The following MECOM variants were observed in gnomAD, a reference collection of about 807,000 sequenced individuals.
MECOM encodes the protein MDS1 and EVI1 complex locus.
A neutral mutation model predicts 116.3 loss-of-function variants in MECOM; 13 were observed. That is an observed-to-expected ratio of 0.11 (90% confidence interval 0.07 to 0.18). MECOM has a LOEUF of 0.18. MECOM is among the 10% of genes least tolerant of loss of function. MECOM has a pLI of 1.00. For missense variants in MECOM, 1,299 were observed against 1,509.0 expected (o/e 0.86, Z 2.31); for synonymous variants, 528 against 535.2 (o/e 0.99, Z 0.19).
chr3:169,092,753 C>T (rs1365564596), intron 14 of MECOM, among the ~76,000 whole-genome samples: 3 of 152,028 alleles, frequency 2.0e-5, no homozygotes, highest in East Asian at 3.9e-4. Context: ...TAGTGGCTAT[C>T]TCATAGGGTT....
At chr3:169,303,703 C>T (rs1037988554) in intron 2 of MECOM, among the ~76,000 whole-genome samples, 1 of 152,178 alleles carries the variant, frequency 6.6e-6, no homozygotes, top group Non-Finnish European at 1.5e-5. Flanking sequence ...ACTCAAAAAG[C>T]CAAATCCTGT....
intron 1 of MECOM, among the ~76,000 whole-genome samples, chr3:169,432,076 G>A (rs780059302): frequency 2.0e-5 from 3 of 151,740 alleles, no homozygotes; most frequent in Non-Finnish European, 2.9e-5. Flanking sequence ...ACAACAGTTC[G>A]AGACCTAGTA....
intron 2 of MECOM, among the ~76,000 whole-genome samples, chr3:169,311,834 A>G (rs914259118): frequency 1.3e-5 from 2 of 152,200 alleles, no homozygotes; most frequent in African/African-American, 4.8e-5. Flanking sequence ...AGGTGGCCAG[A>G]AATGAGGAGG....
chr3:169,137,298 A>G (rs1165604165), intron 3 of MECOM, among the ~76,000 whole-genome samples: 1 of 152,116 alleles, frequency 6.6e-6, no homozygotes, highest in Non-Finnish European at 1.5e-5. Context: ...GTCTACAGAT[A>G]CAATATATGC....
chr3:169,102,969 C>T (rs1050148353), intron 10 of MECOM, among the ~76,000 whole-genome samples: 3 of 151,514 alleles, frequency 2.0e-5, no homozygotes, highest in African/African-American at 7.3e-5. Flanking sequence ...CCACACTTTT[C>T]GAGAAACATT....
chr3:169,320,243 G>C (rs552438336), intron 2 of MECOM, among the ~76,000 whole-genome samples: 43 of 152,272 alleles, frequency 2.8e-4, no homozygotes, highest in African/African-American at 9.9e-4. Context: ...ATATAATTAG[G>C]AGAAACATAT....
chr3:169,277,361 A>G (rs1220326072), intron 2 of MECOM, among the ~76,000 whole-genome samples: 2 of 152,234 alleles, frequency 1.3e-5, no homozygotes, highest in Non-Finnish European at 2.9e-5. Context: ...CTTAAGAGAG[A>G]AAAAACAAAG....
intron 14 of MECOM, among the ~76,000 whole-genome samples, chr3:169,092,329 T>C (rs1288134814): frequency 2.6e-5 from 4 of 152,098 alleles, no homozygotes; most frequent in Non-Finnish European, 4.4e-5. Flanking sequence ...TTAAGAAGAC[T>C]ATAAAAGCTT....
intron 1 of MECOM, among the ~76,000 whole-genome samples, chr3:169,653,092 T>G (rs771272973): frequency 7.9e-5 from 12 of 152,184 alleles, no homozygotes; most frequent in Non-Finnish European, 1.6e-4. Context: ...GGAATAATAC[T>G]CCACTTTCCA....
intron 1 of MECOM, among the ~76,000 whole-genome samples, chr3:169,568,962 T>C (rs1187093133): frequency 6.6e-6 from 1 of 152,126 alleles, no homozygotes. Context: ...GCTAGCATCA[T>C]AATGACAGGA....
intron 2 of MECOM, among the ~76,000 whole-genome samples, chr3:169,364,625 G>C (rs1728851113): frequency 6.6e-6 from 1 of 151,976 alleles, no homozygotes; most frequent in South Asian, 2.1e-4. Flanking sequence ...GCATTGAAAA[G>C]TTATTAAGTA....
At chr3:169,516,935 G>A (rs750913727) in intron 1 of MECOM, among the ~76,000 whole-genome samples, 44 of 152,126 alleles carry the variant, frequency 2.9e-4, no homozygotes, top group African/African-American at 9.9e-4. Flanking sequence ...GCAGGCAAAC[G>A]AAAAAGGTCC....
chr3:169,202,871 A>G (rs1049326750), intron 2 of MECOM, among the ~76,000 whole-genome samples: 1 of 151,698 alleles, frequency 6.6e-6, no homozygotes, highest in African/African-American at 2.4e-5. Flanking sequence ...ACTTTCTGGG[A>G]ATCAAAATCA....
chr3:169,098,798 G>A (rs1722571816), intron 12 of MECOM, among the ~76,000 whole-genome samples: 2 of 152,028 alleles, frequency 1.3e-5, no homozygotes, highest in Non-Finnish European at 2.9e-5. Context: ...TGAGTGCTGG[G>A]ATTGTAGGCA....
chr3:169,265,548 T>G (rs1758172071), intron 2 of MECOM, among the ~76,000 whole-genome samples: 1 of 152,168 alleles, frequency 6.6e-6, no homozygotes, highest in South Asian at 2.1e-4. Context: ...AGTTGAATAG[T>G]GTCATCATAA....
chr3:169,663,488 C>CCTG lies in MECOM; in HGVS notation c.-117_-116insCAG. 1 of 402,220 alleles carries CCTG rather than the reference C, an allele frequency of 2.5e-6. No homozygotes were observed. The highest frequency in any genetic ancestry group is 3.1e-5 in the African/African-American group (1 of 32,584). 24.9% of individuals were successfully genotyped at this position (402,220 alleles called of 1,614,324 possible). ...CTCTCTCTCCTGTCTCTCTCTCTCT[C>CCTG]TCTCTCTCTCTCTCTCTCTCTCTCT... is the stretch of plus-strand genomic sequence containing the variant. On this transcript the variant is annotated 5_prime_UTR_variant, in exon 1 of 17. Coordinates refer to ENST00000651503, the MANE Select transcript of MECOM (RefSeq NM_004991.4).
At chr3:169,210,059 T>C (rs1018999804) in intron 2 of MECOM, among the ~76,000 whole-genome samples, 1 of 152,116 alleles carries the variant, frequency 6.6e-6, no homozygotes, top group Non-Finnish European at 1.5e-5. Context: ...TGCAGGGACA[T>C]GGATGAAGCT....
At chr3:169,152,119 CAGCACA>C (rs1305353355) in intron 2 of MECOM, among the ~76,000 whole-genome samples, 10 of 152,018 alleles carry the variant, frequency 6.6e-5, no homozygotes, top group Non-Finnish European at 5.9e-5. Flanking sequence ...TGAAACAGTC[CAGCACA>C]ATACAAATTT....
chr3:169,437,258 A>AT (rs1403619096), intron 1 of MECOM, among the ~76,000 whole-genome samples: 1 of 152,208 alleles, frequency 6.6e-6, no homozygotes, highest in Non-Finnish European at 1.5e-5. Flanking sequence ...TTAACTTGCC[A>AT]TTGAACTAAG....
Sources: allele counts gnomAD v4.1 joint callset (sites outside exome capture counted in the v4.1 genomes callset), GRCh38; gene constraint gnomAD v4.1.1; transcripts MANE v1.5; gene names NCBI Gene and HGNC (gene_info 2026-07-23, HGNC 2026-07-21).